SFTPD: variants seen among roughly 807,000 people sequenced by gnomAD.
SFTPD encodes surfactant protein D, also known as pulmonary surfactant-associated protein D.
Under a neutral mutation model 34.6 loss-of-function variants are expected in SFTPD, and 18 were observed. That is an observed-to-expected ratio of 0.52 (90% CI 0.36 to 0.77). The LOEUF (loss-of-function observed/expected upper bound fraction) is 0.77, where lower values mean the gene tolerates loss of function less well. SFTPD is among the 30% of genes least tolerant of loss of function. SFTPD has a pLI of 0.00. For missense variants in SFTPD, 433 were observed against 468.9 expected, an observed-to-expected ratio of 0.92 and a Z score of 0.71; for synonymous variants, 155 against 180.9, an observed-to-expected ratio of 0.86 and a Z score of 1.15.
intron 1 of SFTPD, among the ~76,000 whole-genome samples, chr10:79,959,837 A>T (rs561912725): frequency 1.3e-5 from 2 of 152,132 alleles, no homozygotes; most frequent in Admixed American, 1.3e-4. Context: ...GCAGAAACAC[A>T]ACCAAAAAAG....
chr10:79,948,167 G>A (rs76736270), intron 1 of SFTPD, among the ~76,000 whole-genome samples: 446 of 152,334 alleles, frequency 2.9e-3, no homozygotes, highest in Non-Finnish European at 5.3e-3. Context: ...TGCCAGCAGC[G>A]GCTACCTTGT....
intron 1 of SFTPD, among the ~76,000 whole-genome samples, chr10:79,974,499 C>G (rs555562769): frequency 3.3e-5 from 5 of 152,258 alleles, no homozygotes; most frequent in Admixed American, 2.6e-4. Context: ...TCTAGTATTT[C>G]TAGTCATGCC....
In SFTPD at chr10:79,963,392, G is replaced by A. The variant is rs577776685; in HGVS notation, c.37-16730C>T. Among the ~76,000 whole-genome samples the A allele has an allele frequency of 2.2e-4, 33 of 151,576 alleles. No homozygotes were observed. In the South Asian group the frequency reaches 6.7e-3, roughly 31 times the overall value. ...AGGAGTGAGACTCCTGGATTGGAAG[G>A]TATATGCATTTTCATTTTAATAAAT... On this transcript the variant is annotated intron_variant, in intron 1 of 5. Transcript: ENST00000444384.
chr10:79,944,702 G>T (rs1207847010), intron 2 of SFTPD, among the ~76,000 whole-genome samples: 2 of 152,104 alleles, frequency 1.3e-5, no homozygotes, highest in Non-Finnish European at 2.9e-5. Flanking sequence ...CTCCCCCACG[G>T]AATATTGCTG....
At chr10:79,958,081 T>A (rs1842750595) in intron 1 of SFTPD, among the ~76,000 whole-genome samples, 1 of 152,092 alleles carries the variant, frequency 6.6e-6, no homozygotes, top group Non-Finnish European at 1.5e-5. Context: ...AATAAAATAC[T>A]TTACAGACAA....
intron 1 of SFTPD, among the ~76,000 whole-genome samples, chr10:79,957,763 A>C (rs1446228940): frequency 6.6e-6 from 1 of 152,222 alleles, no homozygotes; most frequent in Non-Finnish European, 1.5e-5. Context: ...CAATGTAGCA[A>C]GGCAGGCCAA....
chr10:79,948,848 G>A (rs1378843812), intron 1 of SFTPD, among the ~76,000 whole-genome samples: 2 of 152,140 alleles, frequency 1.3e-5, no homozygotes, highest in Non-Finnish European at 2.9e-5. Flanking sequence ...TGCACCCCCA[G>A]CTCAGAAAGC....
At chr10:79,971,606 TTTTCCA>T (rs1371995046) in intron 1 of SFTPD, 1 of 152,188 alleles carries the variant, frequency 6.6e-6, no homozygotes, top group Non-Finnish European at 1.5e-5. Flanking sequence ...GTCCAGAAAT[TTTTCCA>T]TTTCCATTAG....
At chr10:79,945,013 C>G (rs1373927108) in intron 2 of SFTPD, among the ~76,000 whole-genome samples, 1 of 151,944 alleles carries the variant, frequency 6.6e-6, no homozygotes, top group Non-Finnish European at 1.5e-5. Flanking sequence ...GCCCTCAGAC[C>G]TGTAACAGTG....
At chr10:79,942,124 T>C (rs1299675961) in intron 4 of SFTPD, 54 bp from the exon 5 acceptor site, 45 of 1,345,992 alleles carry the variant, frequency 3.3e-5, no homozygotes, top group Non-Finnish European at 4.3e-5. Context: ...TCAGCAGGTG[T>C]GGTTTTGTTA....
intron 1 of SFTPD, among the ~76,000 whole-genome samples, chr10:79,973,877 G>C (rs1166260854): frequency 6.6e-6 from 1 of 152,072 alleles, no homozygotes; most frequent in African/African-American, 2.4e-5. Context: ...TATGCCAAAG[G>C]GTTTCTTTGG....
chr10:79,959,555 T>C (rs1281221902), intron 1 of SFTPD, among the ~76,000 whole-genome samples: 1 of 152,146 alleles, frequency 6.6e-6, no homozygotes, highest in Non-Finnish European at 1.5e-5. Context: ...AAGAAATGGA[T>C]AAATTCCTCA....
At chr10:79,942,654 A>T in intron 3 of SFTPD, 109 bp downstream of exon 3, 1 of 948,502 alleles carries the variant, frequency 1.1e-6, no homozygotes, top group Non-Finnish European at 1.7e-6. Context: ...ACCCAGTGCC[A>T]CCTTCAGACA....
rs781015741 is a variant in SFTPD, at chr10:79,938,008, G to A, written c.972C>T (p.Phe324=). 4 of 1,613,904 alleles carry A rather than the reference G, an allele frequency of 2.5e-6. No individual in the cohort carries two copies. In the Admixed American group the frequency reaches 5.0e-5, roughly 20 times the overall value. ...CCAGGGACTCTCCTGTGGGGTAGGTGAACTTGCCCTCTGTCTTGGAATCAG... is the reference window on the plus strand; with the variant it reads ...CCAGGGACTCTCCTGTGGGGTAGGTAAACTTGCCCTCTGTCTTGGAATCAG... The part of the protein sequence containing the change: ...SMTDSKTEGK[F]TYPTGESLVY... Residue 324 remains phenylalanine, a synonymous_variant, in exon 8 of 8, where the codon TTC becomes TTT. Transcript: ENST00000372292.
chr10:79,949,399 A>G (rs1024914488), upstream of SFTPD, among the ~76,000 whole-genome samples: 3 of 152,230 alleles, frequency 2.0e-5, no homozygotes, highest in Non-Finnish European at 2.9e-5. Context: ...AGAAATCAGG[A>G]GTCCAGAGAC....
chr10:79,949,104 C>T lies in SFTPD; in HGVS notation c.-42G>A, dbSNP rs1842693149. ...TTAGGCCCCAGGAGCTCCAAGCAAA[C>T]TAGCCTTTGCTTGGCAGGCACTCAC... On this transcript the variant is annotated 5_prime_UTR_variant, in exon 1 of 8. Coordinates refer to ENST00000372292, the MANE Select transcript of SFTPD (RefSeq NM_003019.5). 1 of 152,238 alleles carries T rather than the reference C, an allele frequency of 6.6e-6. No individual in the cohort carries two copies. The allele number at this position is 152,238 out of a possible 1,614,324, so 9.4% of individuals were successfully genotyped here. A position where few individuals can be genotyped will look rare whatever the true frequency, so the allele number is the denominator to read the frequency against.
intron 2 of SFTPD, among the ~76,000 whole-genome samples, chr10:79,945,402 C>T (rs1842654898): frequency 6.6e-6 from 1 of 152,158 alleles, no homozygotes; most frequent in African/African-American, 2.4e-5. Context: ...CTTACTTGCC[C>T]CTTACCCCAC....
chr10:79,966,874 G>A (rs1842805765), intron 1 of SFTPD, among the ~76,000 whole-genome samples: 1 of 147,836 alleles, frequency 6.8e-6, no homozygotes, highest in Non-Finnish European at 1.5e-5. Context: ...TCTCAGGTTT[G>A]TCTTTGAAAA....
chr10:79,941,994 G>A lies in SFTPD; in HGVS notation c.510C>T (p.Val170=). ...TTCCAGGGACTCCACGCTCACCAGG[G>A]ACACCTCGCTCTCCCTTAGGGCCTG... is the stretch of plus-strand genomic sequence containing the variant. ...GLAGPKGERG[V]PGERGVPGNT... The change falls in exon 5 of 8, where the codon GTC becomes GTT. Residue 170 remains valine, a synonymous_variant. Coordinates refer to ENST00000372292, the MANE Select transcript of SFTPD (RefSeq NM_003019.5). 6.2e-7 allele frequency: 1 copy of A among 1,613,982 alleles called. No individual in the cohort carries two copies.
Sources: allele counts gnomAD v4.1 joint callset (sites outside exome capture counted in the v4.1 genomes callset), GRCh38; gene constraint gnomAD v4.1.1; transcripts MANE v1.5; gene names NCBI Gene and HGNC (gene_info 2026-07-23, HGNC 2026-07-21).